The following TBPL1 variants were observed in gnomAD, a reference collection of about 807,000 sequenced individuals.
The protein encoded by TBPL1 is TATA-box binding protein like 1.
Under a neutral mutation model 22.1 loss-of-function variants are expected in TBPL1, and 4 were observed. That is an observed-to-expected ratio of 0.18 (90% CI 0.09 to 0.41). The LOEUF (loss-of-function observed/expected upper bound fraction) is 0.41, where lower values mean the gene tolerates loss of function less well. Among genes scored for constraint, TBPL1 ranks in the 10% least tolerant of loss-of-function variants. TBPL1 has a pLI of 1.00. For missense variants in TBPL1, 115 were observed against 222.3 expected (o/e 0.52, Z 3.07); for synonymous variants, 64 against 71.0 (o/e 0.90, Z 0.50).
In TBPL1 at chr6:133,984,404, A is replaced by T; in HGVS notation, c.311A>T (p.Asn104Ile). ...QVIFTDFKVV[N>I]VLAVCNMPFE... ...ATATTTACAGATTTTAAGGTTGTTA[A>T]CGTTCTGGCAGTGTGTAACATGCCA... Residue 104 changes from asparagine (N) to isoleucine (I), a missense_variant, in exon 5 of 7, where the codon AAC becomes ATC. Coordinates refer to ENST00000237264, the MANE Select transcript of TBPL1 (RefSeq NM_004865.4). 3 of 1,613,128 alleles carry T rather than the reference A, an allele frequency of 1.9e-6. No individual in the cohort carries two copies. Among genetic ancestry groups the T allele is most frequent in the Non-Finnish European group, 2.5e-6 (3 of 1,179,570 alleles).
At chr6:133,962,104 TG>T (rs1776035478) in intron 1 of TBPL1, among the ~76,000 whole-genome samples, 1 of 152,162 alleles carries the variant, frequency 6.6e-6, no homozygotes, top group Non-Finnish European at 1.5e-5. Flanking sequence ...AGTCTGTTAT[TG>T]GAAGAGGAAT....
intron 1 of TBPL1, among the ~76,000 whole-genome samples, chr6:133,973,795 A>G (rs1776265454): frequency 6.6e-6 from 1 of 152,146 alleles, no homozygotes; most frequent in Non-Finnish European, 1.5e-5. Context: ...TTTTTTTATG[A>G]GAAGATATTT....
intron 1 of TBPL1, among the ~76,000 whole-genome samples, chr6:133,976,722 GC>G (rs1776319006): frequency 6.6e-6 from 1 of 152,104 alleles, no homozygotes; most frequent in Non-Finnish European, 1.5e-5. Flanking sequence ...TGGCGCGGTG[GC>G]CCACACCTGT....
chr6:133,978,473 GTAA>G (rs1351040261), intron 1 of TBPL1, among the ~76,000 whole-genome samples: 3 of 152,144 alleles, frequency 2.0e-5, no homozygotes, highest in African/African-American at 7.2e-5. Context: ...AAGACCAATG[GTAA>G]TAAACTGGCC....
rs1219284943 is a variant in TBPL1 at position 133,989,631 on chromosome 6, T to TG, written c.*2592dup. On this transcript the variant is annotated 3_prime_UTR_variant, in exon 7 of 7. Transcript: ENST00000237264. ...ATCTCCTTTCCTTTTAGCTTCCCCC[T>TG]GCCAATTTTTATACAGATAATACAC... The TG allele has an allele frequency of 1.3e-5, 2 of 152,182 alleles. No homozygotes were observed. Among genetic ancestry groups the TG allele is most frequent in the East Asian group, 3.9e-4 (2 of 5,194 alleles). 9.4% of individuals were successfully genotyped at this position (152,182 alleles called of 1,614,324 possible).
At chr6:133,958,761 A>C (rs1309052103) in intron 1 of TBPL1, among the ~76,000 whole-genome samples, 1 of 152,064 alleles carries the variant, frequency 6.6e-6, no homozygotes, top group African/African-American at 2.4e-5. Context: ...AATATATACT[A>C]TAGAGGTTTA....
chr6:133,969,447 A>G (rs1268415616), intron 1 of TBPL1, among the ~76,000 whole-genome samples: 2 of 152,144 alleles, frequency 1.3e-5, no homozygotes, highest in Non-Finnish European at 2.9e-5. Context: ...ATTGAGTCTC[A>G]TAGATAGTAG....
intron 1 of TBPL1, among the ~76,000 whole-genome samples, chr6:133,954,116 C>G (rs1451659574): frequency 6.6e-6 from 1 of 152,164 alleles, no homozygotes; most frequent in Admixed American, 6.5e-5. Flanking sequence ...AAAAGAAAAT[C>G]TCTCCTGCCG....
intron 1 of TBPL1, among the ~76,000 whole-genome samples, chr6:133,965,637 T>G (rs537061803): frequency 5.3e-5 from 8 of 152,018 alleles, no homozygotes; most frequent in African/African-American, 1.4e-4. Flanking sequence ...CACTGTTAAA[T>G]TTAGTGCTTT....
At chr6:133,964,817 T>C (rs1426612423) in intron 1 of TBPL1, among the ~76,000 whole-genome samples, 1 of 152,240 alleles carries the variant, frequency 6.6e-6, no homozygotes, top group Non-Finnish European at 1.5e-5. Context: ...ATGGCATTTG[T>C]GCATGACATA....
intron 1 of TBPL1, among the ~76,000 whole-genome samples, chr6:133,955,578 T>A (rs1315229487): frequency 2.0e-5 from 3 of 152,198 alleles, no homozygotes; most frequent in African/African-American, 4.8e-5. Flanking sequence ...TGAGTAACTG[T>A]TGGTTGTGAA....
intron 1 of TBPL1, among the ~76,000 whole-genome samples, chr6:133,976,053 G>T (rs957523766): frequency 6.6e-6 from 1 of 152,114 alleles, no homozygotes; most frequent in African/African-American, 2.4e-5. Flanking sequence ...AAAAAATCAT[G>T]TATAAACCAC....
rs1253655789 is a variant in TBPL1 at position 133,971,160 on chromosome 6, T to TA, written c.-44-8920dup. Among the ~76,000 whole-genome samples the TA allele has an allele frequency of 3.3e-5, 5 of 151,974 alleles. No individual in the cohort carries two copies. In the South Asian group the frequency reaches 8.3e-4, roughly 25 times the overall value. On this transcript the variant is annotated intron_variant, in intron 1 of 6. Coordinates refer to ENST00000237264, the MANE Select transcript of TBPL1 (RefSeq NM_004865.4). ...CGATGATAACACTTTTTTTTTTTTT[T>TA]AAGATTCCACATACAAGTGAGATCA...
intron 2 of TBPL1, 117 bp downstream of exon 2, chr6:133,980,377 G>T: frequency 2.5e-6 from 3 of 1,196,992 alleles, no homozygotes; most frequent in Non-Finnish European, 3.3e-6. Context: ...TGTGCTGGTT[G>T]TCCTGGATAC....
At chr6:133,974,482 C>T (rs1185025457) in intron 1 of TBPL1, among the ~76,000 whole-genome samples, 1 of 152,120 alleles carries the variant, frequency 6.6e-6, no homozygotes, top group Non-Finnish European at 1.5e-5. Context: ...TACAGGCGTG[C>T]ACCACCACGC....
rs1265916552 is a variant in TBPL1 at position 133,987,099 on chromosome 6, G to T, written c.*59G>T. 4.3e-6 allele frequency: 5 copies of T among 1,173,752 alleles called. No homozygotes were observed. The African/African-American group carries it at 7.8e-5, about 18-fold the overall frequency. 72.7% of individuals were successfully genotyped at this position (1,173,752 alleles called of 1,614,324 possible). A position where few individuals can be genotyped will look rare whatever the true frequency, so the allele number is the denominator to read the frequency against. On this transcript the variant is annotated 3_prime_UTR_variant, in exon 7 of 7. Transcript: ENST00000237264. ...GCACCTTTTAAACCTGCTGCACATT[G>T]GACTCAAAAGGAAAACTGGACCAAC...
chr6:133,957,705 G>A (rs576159464), intron 1 of TBPL1, among the ~76,000 whole-genome samples: 136 of 152,280 alleles, frequency 8.9e-4, no homozygotes, highest in African/African-American at 3.1e-3. Flanking sequence ...TTTAATTAAT[G>A]GCATGGCCTT....
chr6:133,980,378 T>C, intron 2 of TBPL1, 118 bp downstream of exon 2: 1 of 1,195,086 alleles, frequency 8.4e-7, no homozygotes, highest in Non-Finnish European at 1.1e-6. Context: ...GTGCTGGTTG[T>C]CCTGGATACA....
intron 1 of TBPL1, among the ~76,000 whole-genome samples, chr6:133,959,302 A>C (rs2114323728): frequency 6.6e-6 from 1 of 151,484 alleles, no homozygotes; most frequent in South Asian, 2.1e-4. Context: ...AGCCTCCCGG[A>C]GTGCTGGGAT....
Sources: allele counts gnomAD v4.1 joint callset (sites outside exome capture counted in the v4.1 genomes callset), GRCh38; gene constraint gnomAD v4.1.1; transcripts MANE v1.5; gene names NCBI Gene and HGNC (gene_info 2026-07-23, HGNC 2026-07-21).